CACNA1B: variants seen among roughly 807,000 people sequenced by gnomAD.
CACNA1B encodes the protein calcium voltage-gated channel subunit alpha1 B.
CACNA1B carries 70 observed loss-of-function variants against 247.2 expected under a neutral mutation model. The ratio of observed to expected loss-of-function variants is 0.28; its 90% CI spans 0.23 to 0.35. The LOEUF is 0.35. Among genes scored for constraint, CACNA1B ranks in the 10% least tolerant of loss-of-function variants. The probability of loss-of-function intolerance (pLI) is 1.00; values close to 1 mark genes in which losing one functional copy is unlikely to be tolerated. For synonymous variants in CACNA1B, 1,231 were observed against 1,294.4 expected (o/e 0.95, Z 1.05); for missense variants, 2,367 against 3,197.4 (o/e 0.74, Z 6.26).
intron 3 of CACNA1B, among the ~76,000 whole-genome samples, chr9:137,885,133 G>A (rs12156539): frequency 2.0e-5 from 3 of 149,834 alleles, no homozygotes; most frequent in Non-Finnish European, 4.4e-5. Flanking sequence ...GGGCCTGGGC[G>A]TTGCTGGGGT....
intron 31 of CACNA1B, among the ~76,000 whole-genome samples, chr9:138,063,806 A>G (rs1421137433): frequency 6.6e-6 from 1 of 152,234 alleles, no homozygotes; most frequent in Non-Finnish European, 1.5e-5. Context: ...TTAAATGGGA[A>G]TGAGGTGTAG....
intron 39 of CACNA1B, among the ~76,000 whole-genome samples, chr9:138,106,298 C>T (rs967965810): frequency 3.3e-5 from 5 of 152,194 alleles, no homozygotes; most frequent in Non-Finnish European, 7.4e-5. Context: ...GAGGAGATTA[C>T]AGCCCCAGAG....
chr9:138,009,107 T>C (rs1958691312), intron 16 of CACNA1B, among the ~76,000 whole-genome samples: 1 of 152,164 alleles, frequency 6.6e-6, no homozygotes, highest in Non-Finnish European at 1.5e-5. Flanking sequence ...AGAGTTCCTT[T>C]TGCAAAGAAA....
intron 3 of CACNA1B, among the ~76,000 whole-genome samples, chr9:137,897,798 G>T (rs1031876369): frequency 3.3e-5 from 5 of 151,538 alleles, no homozygotes; most frequent in Non-Finnish European, 1.5e-5. Flanking sequence ...TCCTGCCTCA[G>T]CCTCCCGAGT....
chr9:138,047,867 G>T (rs1332734428), intron 23 of CACNA1B, among the ~76,000 whole-genome samples: 1 of 152,200 alleles, frequency 6.6e-6, no homozygotes, highest in Non-Finnish European at 1.5e-5. Flanking sequence ...TTGGAAGTGG[G>T]TGCTGAAGAC....
chr9:138,028,871 T>C (rs898084680), intron 20 of CACNA1B, among the ~76,000 whole-genome samples: 1 of 152,168 alleles, frequency 6.6e-6, no homozygotes, highest in Non-Finnish European at 1.5e-5. Flanking sequence ...CTCTAAAAGT[T>C]CCCAGAGTTA....
intron 1 of CACNA1B, 94 bp downstream of exon 1, chr9:137,878,311 C>G: frequency 1.8e-6 from 2 of 1,098,826 alleles, no homozygotes; most frequent in Middle Eastern, 3.5e-4. Context: ...AGGGCGCGAC[C>G]TGGGGAGGCG....
In CACNA1B at chr9:137,888,486, C is replaced by T. The variant is rs1448233245; in HGVS notation, c.530+5603C>T. ...TCCCCACCCCTGTTGTGGCTCCAGC[C>T]TGGTGCTACCCTCCATGGCCCTTGG... is the stretch of plus-strand genomic sequence containing the variant. On this transcript the variant is annotated intron_variant, in intron 3 of 46. Transcript: ENST00000371372. The surrounding 1 kb of genome is among the most constrained non-coding windows in gnomAD (Gnocchi z 4.7). Among the ~76,000 whole-genome samples, 9 of 152,252 alleles carry T rather than the reference C, an allele frequency of 5.9e-5. No individual in the cohort carries two copies. The highest frequency in any genetic ancestry group is 1.7e-4 in the African/African-American group (7 of 41,472).
intron 6 of CACNA1B, among the ~76,000 whole-genome samples, chr9:137,935,812 T>C (rs1168266480): frequency 6.6e-6 from 1 of 152,158 alleles, no homozygotes; most frequent in Non-Finnish European, 1.5e-5. Flanking sequence ...TCTCACTCTG[T>C]TGCCCAGGCT....
At position 137,973,887 on chromosome 9, in the gene CACNA1B, T is replaced by C. The variant is rs911462687; in HGVS notation, c.1544-2020T>C. 3.9e-5 allele frequency among the ~76,000 whole-genome samples: 6 copies of C among 152,166 alleles called. No individual in the cohort carries two copies. The highest frequency in any genetic ancestry group is 1.2e-4 in the African/African-American group (5 of 41,416). On this transcript the variant is annotated intron_variant, in intron 11 of 46. Coordinates refer to ENST00000371372, the MANE Select transcript of CACNA1B (RefSeq NM_000718.4). This position sits in a 1 kb window ranked among gnomAD's most constrained non-coding sequence, Gnocchi z 4.1. ...TGAAAGTTTTACCGTTTGCATTTCT[T>C]GTACTTGTTCCTTGCAAAGTGCTCT...
In CACNA1B at chr9:138,002,600, G is replaced by A. The variant is rs1017607678; in HGVS notation, c.1975-4167G>A. 4.0e-5 allele frequency among the ~76,000 whole-genome samples: 6 copies of A among 151,676 alleles called. No homozygotes were observed. In the South Asian group the frequency reaches 1.3e-3, roughly 32 times the overall value. On this transcript the variant is annotated intron_variant, in intron 15 of 46. Coordinates refer to ENST00000371372, the MANE Select transcript of CACNA1B (RefSeq NM_000718.4). ...TGCACCTCTGCAGTCCCAGCTACGTGGGAGACTGAGACAGGAGAATTACTT... is the reference window on the plus strand; with the variant it reads ...TGCACCTCTGCAGTCCCAGCTACGTAGGAGACTGAGACAGGAGAATTACTT...
In CACNA1B at chr9:138,010,981, G is replaced by A. The variant is rs1170359903; in HGVS notation, c.2160+904G>A. The stretch of plus-strand genomic sequence containing the variant: ...CTGCTCCCCCCAGCCGAGCTCTCCA[G>A]GAGGGGGGTGTGGTCCATGCGGTGT... On this transcript the variant is annotated intron_variant, in intron 17 of 46. Transcript: ENST00000371372. The surrounding 1 kb of genome is among the most constrained non-coding windows in gnomAD (Gnocchi z 5.3). Among the ~76,000 whole-genome samples, 1 of 152,206 alleles carries A rather than the reference G, an allele frequency of 6.6e-6. No individual in the cohort carries two copies. The highest frequency in any genetic ancestry group is 2.4e-5 in the African/African-American group (1 of 41,450).
chr9:137,960,172 C>A (rs545021927), intron 10 of CACNA1B, among the ~76,000 whole-genome samples: 1 of 9,758 alleles, frequency 1.0e-4, no homozygotes, highest in Non-Finnish European at 1.9e-4. Flanking sequence ...ACGTGTGTGG[C>A]GGGGAGGGAA....
At chr9:137,906,674 C>G (rs1470351159) in intron 3 of CACNA1B, among the ~76,000 whole-genome samples, 1 of 151,872 alleles carries the variant, frequency 6.6e-6, no homozygotes, top group Admixed American at 6.6e-5. Context: ...CCCTGCATGC[C>G]CATGTGATGT....
intron 32 of CACNA1B, among the ~76,000 whole-genome samples, chr9:138,070,998 C>T (rs1960113555): frequency 6.6e-6 from 1 of 152,270 alleles, no homozygotes; most frequent in Admixed American, 6.5e-5. Flanking sequence ...CCCTCACTTC[C>T]CTGTGACTCT....
At chr9:138,097,392 A>G (rs752868754) in intron 37 of CACNA1B, among the ~76,000 whole-genome samples, 5 of 152,012 alleles carry the variant, frequency 3.3e-5, no homozygotes, top group Non-Finnish European at 7.4e-5. Context: ...CAGGGCTGAG[A>G]GCTCATTCGG....
At chr9:138,119,977 T>C (rs1180141138) in intron 44 of CACNA1B, among the ~76,000 whole-genome samples, 188 bp from the exon 45 acceptor site, 1 of 152,152 alleles carries the variant, frequency 6.6e-6, no homozygotes, top group African/African-American at 2.4e-5. Context: ...GGGCGGGGAC[T>C]CAGGCACTGT....
intron 6 of CACNA1B, among the ~76,000 whole-genome samples, chr9:137,932,093 A>G (rs887018143): frequency 1.3e-5 from 2 of 152,174 alleles, no homozygotes; most frequent in South Asian, 2.1e-4. Context: ...GTCCCCTTCA[A>G]TTCTGTAAAG....
intron 18 of CACNA1B, among the ~76,000 whole-genome samples, chr9:138,017,727 C>G (rs1451662182): frequency 2.0e-5 from 3 of 152,214 alleles, no homozygotes; most frequent in Non-Finnish European, 1.5e-5. Context: ...AGTAGACCAC[C>G]CAGGGCCCAA....
Sources: allele counts gnomAD v4.1 joint callset (sites outside exome capture counted in the v4.1 genomes callset), GRCh38; gene constraint gnomAD v4.1.1; non-coding constraint Gnocchi (gnomAD v3.1); transcripts MANE v1.5; gene names NCBI Gene and HGNC (gene_info 2026-07-23, HGNC 2026-07-21).